Variants in PHF14 observed in about 807,000 individuals in gnomAD.
PHF14 encodes PHD finger protein 14.
PHF14 carries 55 observed loss-of-function variants against 117.9 expected under a neutral mutation model. The observed-to-expected ratio is 0.47, with a 90% CI of 0.38 to 0.58. PHF14 has a LOEUF of 0.58. Ranked by LOEUF, PHF14 falls within the 20% of genes least tolerant of loss-of-function variation. The pLI, the probability that PHF14 is intolerant of heterozygous loss-of-function variation, is 0.00. For synonymous variants in PHF14, 409 were observed against 368.6 expected, an observed-to-expected ratio of 1.11 and a Z score of -1.26; for missense variants, 978 against 1,122.2, an observed-to-expected ratio of 0.87 and a Z score of 1.84.
intron 5 of PHF14, among the ~76,000 whole-genome samples, chr7:11,022,605 A>C (rs527316601): frequency 6.6e-6 from 1 of 152,324 alleles, no homozygotes; most frequent in African/African-American, 2.4e-5. Context: ...AGTGAATTTT[A>C]AGTGAAAGGC....
chr7:11,057,644 G>C (rs544497634), intron 14 of PHF14, among the ~76,000 whole-genome samples: 2 of 152,248 alleles, frequency 1.3e-5, no homozygotes, highest in Admixed American at 6.5e-5. Context: ...AAAGTACTAA[G>C]ATCACAGGCC....
At chr7:11,144,050 T>C (rs1257092738) in intron 17 of PHF14, among the ~76,000 whole-genome samples, 1 of 151,980 alleles carries the variant, frequency 6.6e-6, no homozygotes, top group African/African-American at 2.4e-5. Flanking sequence ...AATAGTCCGA[T>C]TTTAAAAAGG....
chr7:11,011,871 G>T (rs973765431), intron 4 of PHF14, among the ~76,000 whole-genome samples: 1 of 152,126 alleles, frequency 6.6e-6, no homozygotes, highest in Admixed American at 6.5e-5. Flanking sequence ...TTCATTGTTG[G>T]TTATCAGTAA....
chr7:11,137,114 T>A (rs1459200320), intron 17 of PHF14, among the ~76,000 whole-genome samples: 1 of 152,230 alleles, frequency 6.6e-6, no homozygotes, highest in East Asian at 1.9e-4. Flanking sequence ...GAAAATTTTA[T>A]TCTTAAGATT....
chr7:11,061,425 A>G (rs1785219051), intron 14 of PHF14: 1 of 157,888 alleles, frequency 6.3e-6, no homozygotes, highest in African/African-American at 2.4e-5. Flanking sequence ...CATTTCAGCT[A>G]TATAAGTGAT....
chr7:11,079,601 C>T (rs1583444939), intron 16 of PHF14, among the ~76,000 whole-genome samples: 1 of 152,000 alleles, frequency 6.6e-6, no homozygotes. Flanking sequence ...TCTTTTTCTT[C>T]ATTAAAAAGA....
rs556550295 is a variant in PHF14, at chr7:11,024,404, A to G, written c.1317+1425A>G. Among the ~76,000 whole-genome samples the G allele has an allele frequency of 4.6e-5, 7 of 152,344 alleles. No individual in the cohort carries two copies. The South Asian group carries it at 1.0e-3, about 23-fold the overall frequency. On this transcript the variant is annotated intron_variant, in intron 6 of 17. Transcript: ENST00000634607. ...ATGATGAAGATTTGTACATTCAACAAAGATTTTCAATGTAGATGAAACAGT... is the reference window on the plus strand; with the variant it reads ...ATGATGAAGATTTGTACATTCAACAGAGATTTTCAATGTAGATGAAACAGT...
chr7:11,069,066 A>T (rs1172530585), intron 16 of PHF14, among the ~76,000 whole-genome samples: 2 of 152,184 alleles, frequency 1.3e-5, no homozygotes, highest in Non-Finnish European at 2.9e-5. Context: ...AGCAAAGTTC[A>T]AAGTAACAAA....
rs370195255 is a variant in PHF14, at chr7:11,031,192, TAAAAA to T, written c.1455+2380_1455+2384del. 5.0e-3 allele frequency among the ~76,000 whole-genome samples: 747 copies of T among 148,292 alleles called. 3 individuals carry two copies. The highest frequency in any genetic ancestry group is 0.016 in the African/African-American group (629 of 40,536). Reference sequence around the variant, plus strand: ...TTCATGGTGGTTTTATATAGGCTGTTAAAAAAAAAAGGTTGAAAAATAGAATAAAC... The same window carrying T: ...TTCATGGTGGTTTTATATAGGCTGTTAAAAAGGTTGAAAAATAGAATAAAC... On this transcript the variant is annotated intron_variant, in intron 7 of 17. Transcript: ENST00000634607.
At chr7:11,002,642 C>T (rs370455642) in intron 4 of PHF14, among the ~76,000 whole-genome samples, 1 of 151,954 alleles carries the variant, frequency 6.6e-6, no homozygotes, top group East Asian at 1.9e-4. Flanking sequence ...GGGATTTCTC[C>T]ATGTTGGTCA....
At chr7:11,099,528 C>T (rs1274541788) in intron 16 of PHF14, among the ~76,000 whole-genome samples, 1 of 151,598 alleles carries the variant, frequency 6.6e-6, no homozygotes, top group Admixed American at 6.6e-5. Context: ...TCTCATTTTA[C>T]ACTTTTATAT....
intron 7 of PHF14, among the ~76,000 whole-genome samples, chr7:11,033,186 T>G (rs1236831848): frequency 2.0e-5 from 3 of 152,230 alleles, no homozygotes; most frequent in Non-Finnish European, 4.4e-5. Context: ...AACCAATGCA[T>G]TAATTAGGAC....
intron 3 of PHF14, among the ~76,000 whole-genome samples, chr7:10,987,818 A>G (rs1018694520): frequency 1.3e-5 from 2 of 152,090 alleles, no homozygotes; most frequent in African/African-American, 4.8e-5. Context: ...TTTTGTATTG[A>G]TCTAATCATA....
chr7:11,103,300 A>C, intron 16 of PHF14: 1 of 860,506 alleles, frequency 1.2e-6, no homozygotes, highest in Non-Finnish European at 1.4e-6. Flanking sequence ...TTCAGTCCTT[A>C]TTGTTTTAAT....
chr7:10,974,348 G>A (rs1178405790), intron 1 of PHF14, 24 bp downstream of exon 1: 3 of 1,581,674 alleles, frequency 1.9e-6, no homozygotes, highest in South Asian at 1.2e-5. Flanking sequence ...AGGCCTCTGC[G>A]GCGAGAGGTC....
chr7:11,167,591 A>C (rs1465417095), intron 17 of PHF14, among the ~76,000 whole-genome samples: 3 of 152,196 alleles, frequency 2.0e-5, no homozygotes, highest in Non-Finnish European at 2.9e-5. Context: ...TCCTTTGAGG[A>C]ACAGATGGAC....
chr7:11,028,782 A>G lies in PHF14; in HGVS notation c.1419A>G (p.Gln473=), dbSNP rs140828362. 699 of 1,613,816 alleles carry G rather than the reference A, an allele frequency of 4.3e-4. 4 individuals are homozygous for G. The African/African-American group carries it at 8.2e-3, about 19-fold the overall frequency. ...CCTATTTCCATGTGACCTGTGCTCA[A>G]AAGGAAGGTCTGCTTTCAGAGGCAG... ...CRAYFHVTCA[Q]KEGLLSEAAA... The change falls in exon 7 of 18, where the codon CAA becomes CAG. Residue 473 remains glutamine, a synonymous_variant. Coordinates refer to ENST00000634607, the MANE Select transcript of PHF14 (RefSeq NM_001007157.2).
intron 14 of PHF14, among the ~76,000 whole-genome samples, chr7:11,054,150 C>T (rs1252325444): frequency 6.6e-6 from 1 of 151,524 alleles, no homozygotes; most frequent in Non-Finnish European, 1.5e-5. Flanking sequence ...CTGTGTGGTG[C>T]TAAGTTTGGA....
chr7:11,139,097 A>G (rs1788331495), intron 17 of PHF14, among the ~76,000 whole-genome samples: 1 of 152,202 alleles, frequency 6.6e-6, no homozygotes, highest in Admixed American at 6.5e-5. Flanking sequence ...TTATATACAT[A>G]TGAAAAATTT....
Sources: gnomAD v4.1 joint callset for allele counts (sites outside exome capture counted in the v4.1 genomes callset) on GRCh38, gnomAD v4.1.1 for gene constraint, MANE v1.5 for transcripts, NCBI Gene and HGNC (gene_info 2026-07-23, HGNC 2026-07-21) for gene names.